The following NAALADL2 variants were observed in gnomAD, a reference collection of about 807,000 sequenced individuals.
NAALADL2 encodes the protein inactive N-acetylated-alpha-linked acidic dipeptidase-like protein 2.
A neutral mutation model predicts 87.2 loss-of-function variants in NAALADL2; 76 were observed. That is an observed-to-expected ratio of 0.87 (90% CI 0.72 to 1.05). The LOEUF (loss-of-function observed/expected upper bound fraction) is 1.05, where lower values mean the gene tolerates loss of function less well. NAALADL2 is among the 50% of genes least tolerant of loss of function. NAALADL2 has a pLI of 0.00. For missense variants in NAALADL2, 1,089 were observed against 945.8 expected (o/e 1.15, Z -1.99); for synonymous variants, 354 against 331.0 (o/e 1.07, Z -0.75).
chr3:174,904,948 G>A (rs1732798637), intron 1 of NAALADL2, among the ~76,000 whole-genome samples: 2 of 151,500 alleles, frequency 1.3e-5, no homozygotes, highest in South Asian at 4.1e-4. Context: ...CATAAACATA[G>A]CATTAAAACT....
chr3:174,755,588 G>T (rs1465678939), intron 3 of NAALADL2, among the ~76,000 whole-genome samples: 1 of 152,054 alleles, frequency 6.6e-6, no homozygotes, highest in African/African-American at 2.4e-5. Flanking sequence ...CTCCAGTTCT[G>T]CATATTGCCA....
chr3:175,443,334 C>T (rs994478840), intron 5 of NAALADL2, among the ~76,000 whole-genome samples: 3 of 152,094 alleles, frequency 2.0e-5, no homozygotes, highest in Non-Finnish European at 4.4e-5. Flanking sequence ...TGCATTGCTT[C>T]ATAAGCTTAA....
intron 9 of NAALADL2, among the ~76,000 whole-genome samples, chr3:175,548,723 A>T (rs1332507865): frequency 6.6e-6 from 1 of 152,062 alleles, no homozygotes; most frequent in Non-Finnish European, 1.5e-5. Flanking sequence ...TGAGATATAA[A>T]TAGTCCTGGT....
intron 1 of NAALADL2, among the ~76,000 whole-genome samples, chr3:174,492,830 CTTT>C (rs1265711228): frequency 6.6e-6 from 1 of 152,146 alleles, no homozygotes; most frequent in African/African-American, 2.4e-5. Context: ...GACCACTTTC[CTTT>C]TCAAGTGAAG....
At chr3:174,715,211 C>A (rs1341142439) in intron 2 of NAALADL2, among the ~76,000 whole-genome samples, 1 of 152,046 alleles carries the variant, frequency 6.6e-6, no homozygotes, top group African/African-American at 2.4e-5. Context: ...CCTAGTTATA[C>A]CTTCCAACTA....
chr3:174,884,247 T>TA (rs1729784526), intron 1 of NAALADL2, among the ~76,000 whole-genome samples: 1 of 152,138 alleles, frequency 6.6e-6, no homozygotes, highest in Non-Finnish European at 1.5e-5. Context: ...CTTGAACCCA[T>TA]GAACCCTGGC....
chr3:174,928,106 A>T (rs556310038), intron 1 of NAALADL2, among the ~76,000 whole-genome samples: 2 of 152,334 alleles, frequency 1.3e-5, no homozygotes, highest in East Asian at 3.9e-4. Context: ...CAAATTTAAA[A>T]ACTGAATGAC....
intron 4 of NAALADL2, among the ~76,000 whole-genome samples, chr3:175,275,729 AT>A (rs1431673575): frequency 3.3e-5 from 5 of 152,040 alleles, no homozygotes; most frequent in African/African-American, 1.2e-4. Context: ...AAATGTTGAC[AT>A]TTTCTAACCC....
intron 11 of NAALADL2, among the ~76,000 whole-genome samples, chr3:175,699,761 A>G (rs1738725341): frequency 6.6e-6 from 1 of 152,158 alleles, no homozygotes; most frequent in South Asian, 2.1e-4. Flanking sequence ...ATATTTTTAT[A>G]TGCTATAGTG....
chr3:175,125,926 A>C (rs574976683), intron 2 of NAALADL2, among the ~76,000 whole-genome samples: 1 of 152,210 alleles, frequency 6.6e-6, no homozygotes, highest in Non-Finnish European at 1.5e-5. Flanking sequence ...CATTTTAATG[A>C]GGCAGAACCA....
chr3:175,311,965 G>A (rs1758427051), intron 4 of NAALADL2, among the ~76,000 whole-genome samples: 1 of 152,138 alleles, frequency 6.6e-6, no homozygotes, highest in Non-Finnish European at 1.5e-5. Flanking sequence ...GAAGAATGAT[G>A]TGATTATGCC....
At chr3:175,377,111 A>G (rs1341260180) in intron 5 of NAALADL2, among the ~76,000 whole-genome samples, 1 of 152,088 alleles carries the variant, frequency 6.6e-6, no homozygotes, top group Non-Finnish European at 1.5e-5. Flanking sequence ...CCAGGAGTTC[A>G]AACCCTCCCT....
At chr3:175,303,993 G>A (rs971714687) in intron 4 of NAALADL2, among the ~76,000 whole-genome samples, 3 of 150,562 alleles carry the variant, frequency 2.0e-5, no homozygotes, top group African/African-American at 7.5e-5. Context: ...GGGGTGGATA[G>A]TTTCATACCA....
intron 3 of NAALADL2, among the ~76,000 whole-genome samples, chr3:174,850,656 T>G (rs1475398386): frequency 1.3e-5 from 2 of 152,064 alleles, no homozygotes; most frequent in Non-Finnish European, 2.9e-5. Flanking sequence ...GAGACCCCAA[T>G]ACAATAATAG....
intron 1 of NAALADL2, among the ~76,000 whole-genome samples, chr3:174,500,726 A>C (rs1301704549): frequency 6.6e-6 from 1 of 152,048 alleles, no homozygotes; most frequent in Non-Finnish European, 1.5e-5. Context: ...TGAAATGATC[A>C]TGTTTTTTCT....
At chr3:174,936,623 G>T (rs7631526) in intron 1 of NAALADL2, among the ~76,000 whole-genome samples, 38,780 of 151,912 alleles carry the variant, frequency 0.26, 5,321 homozygotes, top group East Asian at 0.46. Context: ...ACTTTAGTCT[G>T]GTCCCACAAG....
At chr3:174,836,554 A>C (rs1348815523) in intron 3 of NAALADL2, among the ~76,000 whole-genome samples, 2 of 151,822 alleles carry the variant, frequency 1.3e-5, no homozygotes, top group African/African-American at 4.8e-5. Context: ...ACAACAACAA[A>C]GAAAATTAGC....
At chr3:174,598,653 T>G (rs1718150568) in intron 2 of NAALADL2, among the ~76,000 whole-genome samples, 1 of 151,956 alleles carries the variant, frequency 6.6e-6, no homozygotes, top group Admixed American at 6.5e-5. Flanking sequence ...CAGCTTTTAG[T>G]GTCTATCAGG....
chr3:175,190,932 G>C (rs6800751), intron 2 of NAALADL2, among the ~76,000 whole-genome samples: 4,304 of 149,868 alleles, frequency 0.029, 193 homozygotes, highest in African/African-American at 0.098. Context: ...GAGCCGAGAT[G>C]GAGCCACTGC....
Sources: gnomAD v4.1 joint callset for allele counts (sites outside exome capture counted in the v4.1 genomes callset) on GRCh38, gnomAD v4.1.1 for gene constraint, MANE v1.5 for transcripts, NCBI Gene and HGNC (gene_info 2026-07-23, HGNC 2026-07-21) for gene names.